Variants in DCHS2 observed in about 807,000 individuals in gnomAD.
DCHS2 encodes protocadherin-23.
Under a neutral mutation model 182.4 loss-of-function variants are expected in DCHS2, and 142 were observed. That is an observed-to-expected ratio of 0.78 (90% CI 0.68 to 0.89). The LOEUF (loss-of-function observed/expected upper bound fraction) is 0.89, where lower values mean the gene tolerates loss of function less well. Ranked by LOEUF, DCHS2 falls within the 40% of genes least tolerant of loss-of-function variation. The pLI is 0.00. For synonymous variants in DCHS2, 1,740 were observed against 1,663.3 expected (o/e 1.05, Z -1.12); for missense variants, 4,319 against 4,198.6 (o/e 1.03, Z -0.79).
intron 14 of DCHS2, among the ~76,000 whole-genome samples, chr4:154,261,209 T>TA (rs780708532): frequency 6.6e-6 from 1 of 152,200 alleles, no homozygotes; most frequent in Non-Finnish European, 1.5e-5. Flanking sequence ...CTGGATAAGT[T>TA]ATGCGGTTGA....
chr4:154,314,529 T>C (rs1279107167), intron 10 of DCHS2, among the ~76,000 whole-genome samples: 1 of 152,172 alleles, frequency 6.6e-6, no homozygotes. Context: ...TAACATCACA[T>C]ACAAATTCAT....
chr4:154,255,140 C>T (rs1011862829), intron 16 of DCHS2, among the ~76,000 whole-genome samples: 1 of 152,148 alleles, frequency 6.6e-6, no homozygotes, highest in Non-Finnish European at 1.5e-5. Context: ...AGCAAGGTAT[C>T]CCTCAGTCGT....
chr4:154,231,970 A>G lies in DCHS2; in HGVS notation c.*2566T>C, dbSNP rs1388536475. 6.6e-6 allele frequency: 1 copy of G among 152,124 alleles called. No homozygotes were observed. The highest frequency in any genetic ancestry group is 1.9e-4 in the East Asian group (1 of 5,188). The allele number at this position is 152,124 out of a possible 1,614,324, so 9.4% of individuals were successfully genotyped here. ...CATGGAATTTTGATATCCATTTGGT[A>G]CTGATTTACACCAGTATTTTTAAGG... is the stretch of plus-strand genomic sequence containing the variant. On this transcript the variant is annotated 3_prime_UTR_variant, in exon 20 of 20. Coordinates refer to ENST00000357232, the MANE Select transcript of DCHS2 (RefSeq NM_001358235.2).
chr4:154,239,662 C>T lies in DCHS2; in HGVS notation c.7360-360G>A, dbSNP rs577304198. On this transcript the variant is annotated intron_variant, in intron 18 of 19. Transcript: ENST00000357232. ...TAGCTGGGACTACAGGTACCTATCA[C>T]CACACCAGGCTAATTTTTGTATTTT... Among the ~76,000 whole-genome samples, 254 of 152,126 alleles carry T rather than the reference C, an allele frequency of 1.7e-3. 2 individuals carry two copies. The highest frequency in any genetic ancestry group is 5.5e-3 in the African/African-American group (228 of 41,492).
Position 154,491,322 on chromosome 4 carries a change from G to A in DCHS2, c.34C>T (p.Arg12Cys), listed in dbSNP as rs913347744. The change falls in exon 1 of 20, where the codon CGT (arginine) becomes TGT (cysteine). Residue 12 changes from arginine (R) to cysteine (C), a missense_variant. By Grantham distance (180) the Arg-to-Cys change is radical (BLOSUM62 -3). Coordinates refer to ENST00000357232, the MANE Select transcript of DCHS2 (RefSeq NM_001358235.2). ...CCGACCGGAGCCCGCCGCTGCTGAC[G>A]CCCTTCGCCCATCTTCCGCCCACAA... ...SPCGRKMGEGRQQRRAPVGKL... is the reference protein window; with the variant it reads ...SPCGRKMGEGCQQRRAPVGKL... 2.6e-6 allele frequency: 4 copies of A among 1,545,306 alleles called. No homozygotes were observed. Among genetic ancestry groups the A allele is most frequent in the Non-Finnish European group, 3.5e-6 (4 of 1,142,860 alleles).
intron 18 of DCHS2, among the ~76,000 whole-genome samples, chr4:154,240,311 A>AC (rs1297968732): frequency 6.6e-6 from 1 of 151,680 alleles, no homozygotes; most frequent in Non-Finnish European, 1.5e-5. Flanking sequence ...AAAAACTAAA[A>AC]AAAAAAAAAA....
intron 13 of DCHS2, among the ~76,000 whole-genome samples, chr4:154,281,929 A>G (rs190420138): frequency 3.9e-4 from 60 of 152,292 alleles, no homozygotes; most frequent in African/African-American, 1.4e-3. Context: ...ATAATAGGGT[A>G]TGAATAGTAT....
intron 2 of DCHS2, among the ~76,000 whole-genome samples, chr4:154,374,526 C>T (rs1014945824): frequency 2.0e-5 from 3 of 152,080 alleles, no homozygotes; most frequent in African/African-American, 7.2e-5. Context: ...TTGTTTCCTA[C>T]ATATTTTCTT....
chr4:154,371,943 C>G (rs536983313), intron 2 of DCHS2, among the ~76,000 whole-genome samples: 4 of 152,170 alleles, frequency 2.6e-5, no homozygotes, highest in African/African-American at 4.8e-5. Context: ...GATTACAATT[C>G]GACATGAGAT....
At chr4:154,376,352 T>C (rs534274531) in intron 2 of DCHS2, among the ~76,000 whole-genome samples, 1 of 152,212 alleles carries the variant, frequency 6.6e-6, no homozygotes, top group East Asian at 1.9e-4. Context: ...CAGCAATGTA[T>C]TGAAATACAT....
At chr4:154,414,484 T>C (rs894982965) in intron 1 of DCHS2, among the ~76,000 whole-genome samples, 2 of 113,142 alleles carry the variant, frequency 1.8e-5, no homozygotes, top group African/African-American at 6.2e-5. Context: ...TCCATACAGC[T>C]TTCTTTTTTT....
At position 154,428,596 on chromosome 4, in the gene DCHS2, T is replaced by A. The variant is rs569647837; in HGVS notation, c.2053-51152A>T. On this transcript the variant is annotated intron_variant, in intron 1 of 19. Transcript: ENST00000357232. ...CATAACTGCTGAGGTTTGGTAAATA[T>A]GTGGTTGTTGAGGCCAATGAAAATG... 1.4e-4 allele frequency among the ~76,000 whole-genome samples: 22 copies of A among 151,912 alleles called. No homozygotes were observed. In the East Asian group the frequency reaches 3.9e-3, roughly 27 times the overall value.
At position 154,239,120 on chromosome 4, in the gene DCHS2, T is replaced by C. The variant is rs201765711; in HGVS notation, c.7492+50A>G. On this transcript the variant is annotated intron_variant, in intron 19 of 19. Coordinates refer to ENST00000357232, the MANE Select transcript of DCHS2 (RefSeq NM_001358235.2). ...TTTAGAAAGGGTTATTTCAGGTTTCTACTTTGAAACCCAAACCTATGAGCA... is the reference window on the plus strand; with the variant it reads ...TTTAGAAAGGGTTATTTCAGGTTTCCACTTTGAAACCCAAACCTATGAGCA... 13 of 1,575,574 alleles carry C rather than the reference T, an allele frequency of 8.3e-6. No individual in the cohort carries two copies. The African/African-American group carries it at 1.4e-4, about 17-fold the overall frequency.
chr4:154,424,198 T>C (rs577883836), intron 1 of DCHS2, among the ~76,000 whole-genome samples: 7 of 152,284 alleles, frequency 4.6e-5, no homozygotes, highest in African/African-American at 1.4e-4. Flanking sequence ...GCAAGGAGCT[T>C]TGAAAATCAA....
chr4:154,236,757 T>G lies in DCHS2; in HGVS notation c.7895A>C (p.Glu2632Ala), dbSNP rs1339072763. Residue 2632 changes from glutamate (E) to alanine (A), a missense_variant, in exon 20 of 20, where the codon GAG becomes GCG. Glu to Ala is a moderately radical substitution (Grantham distance 107). Transcript: ENST00000357232. ...ACTGTCAGATGCCAGAATGACAAGC[T>G]CATGGCTAGCACTTGCTTCTCTGTC... Reference protein sequence around the residue: ...SLDREASASHELVILASDSGC... With the variant: ...SLDREASASHALVILASDSGC... The G allele has an allele frequency of 6.2e-7, 1 of 1,614,022 alleles. No homozygotes were observed. The highest frequency in any genetic ancestry group is 2.2e-5 in the East Asian group (1 of 44,834).
At chr4:154,398,747 ATAAAGTCACATTTACTATATAAAGAGACT>A in intron 1 of DCHS2, among the ~76,000 whole-genome samples, 1 of 152,302 alleles carries the variant, frequency 6.6e-6, no homozygotes, top group South Asian at 2.1e-4. Flanking sequence ...GCCCTAACCA[ATAAAGTCACATTTACTATATAAAGAGACT>A]TAAGTCTCCA....
chr4:154,287,860 TTAAAA>T, intron 13 of DCHS2, among the ~76,000 whole-genome samples: 1 of 152,202 alleles, frequency 6.6e-6, no homozygotes, highest in African/African-American at 2.4e-5. Flanking sequence ...TATCATCAGT[TTAAAA>T]TAATAAGTTA....
Position 154,237,044 on chromosome 4 carries a change from C to T in DCHS2, c.7608G>A (p.Glu2536=), listed in dbSNP as rs1165032756. The T allele has an allele frequency of 1.2e-6, 2 of 1,613,974 alleles. No individual in the cohort carries two copies. Among genetic ancestry groups the T allele is most frequent in the Non-Finnish European group, 8.5e-7 (1 of 1,179,922 alleles). Residue 2536 remains glutamate (E), a synonymous_variant, in exon 20 of 20, where the codon GAG becomes GAA. Transcript: ENST00000357232. ...AATTGTTCATATCTTCTATTCCTAT[C>T]TCCACTAAAGTAAGAGCTCTCAGGT... ...NPDLRALTLV[E]IGIEDMNNYA...
At chr4:154,270,272 C>T in intron 13 of DCHS2, among the ~76,000 whole-genome samples, 1 of 152,054 alleles carries the variant, frequency 6.6e-6, no homozygotes, top group East Asian at 1.9e-4. Context: ...TTAAAACATA[C>T]ATAATCATAG....
Sources: gnomAD v4.1 joint callset for allele counts (sites outside exome capture counted in the v4.1 genomes callset) on GRCh38, gnomAD v4.1.1 for gene constraint, MANE v1.5 for transcripts, NCBI Gene and HGNC (gene_info 2026-07-23, HGNC 2026-07-21) for gene names.